Variants in EP400 observed in about 807,000 individuals in gnomAD.
EP400 encodes the protein E1A-binding protein p400.
A neutral mutation model predicts 354.1 loss-of-function variants in EP400; 105 were observed. That is an observed-to-expected ratio of 0.30 (90% CI 0.25 to 0.35). The LOEUF (loss-of-function observed/expected upper bound fraction) is 0.35, where lower values mean the gene tolerates loss of function less well. Ranked by LOEUF, EP400 falls within the 10% of genes least tolerant of loss-of-function variation. EP400 has a pLI of 1.00. For missense variants in EP400, 3,280 were observed against 4,121.0 expected (o/e 0.80, Z 5.59); for synonymous variants, 1,646 against 1,716.9 (o/e 0.96, Z 1.02).
intron 1 of EP400, among the ~76,000 whole-genome samples, chr12:131,950,885 C>G (rs992175759): frequency 2.0e-5 from 3 of 152,140 alleles, no homozygotes; most frequent in Non-Finnish European, 4.4e-5. Context: ...CCATGCCCGG[C>G]TCACTTTTTA....
chr12:132,077,804 G>A lies in EP400; in HGVS notation c.*131G>A. 2.6e-6 allele frequency: 3 copies of A among 1,165,750 alleles called. No individual in the cohort carries two copies. Among genetic ancestry groups the A allele is most frequent in the Non-Finnish European group, 3.5e-6 (3 of 853,758 alleles). The allele number at this position is 1,165,750 out of a possible 1,614,324, so 72.2% of individuals were successfully genotyped here. ...GGAAAGATATAATTGAAACAAAATAGTGTAATCATTTTATTAAAATGCATC... is the reference window on the plus strand; with the variant it reads ...GGAAAGATATAATTGAAACAAAATAATGTAATCATTTTATTAAAATGCATC... On this transcript the variant is annotated 3_prime_UTR_variant, in exon 53 of 53. Coordinates refer to ENST00000389561, the MANE Select transcript of EP400 (RefSeq NM_015409.5).
rs747876989 is a variant in EP400 at position 132,029,840 on chromosome 12, C to T, written c.5521C>T (p.Arg1841Trp). 11 of 1,612,858 alleles carry T rather than the reference C, an allele frequency of 6.8e-6. No individual in the cohort carries two copies. Among genetic ancestry groups the T allele is most frequent in the African/African-American group, 2.7e-5 (2 of 75,062 alleles). Residue 1841 changes from arginine to tryptophan, a missense_variant, in exon 28 of 53, where the codon CGG (arginine) becomes TGG (tryptophan). Arg to Trp is a moderately radical substitution (Grantham distance 101, BLOSUM62 -3). Coordinates refer to ENST00000389561, the MANE Select transcript of EP400 (RefSeq NM_015409.5). This position sits in a 1 kb window ranked among gnomAD's most constrained non-coding sequence, Gnocchi z 4.7. ...CGCTGCGCCGTACTTCCAGCAGCTG[C>T]GGCAGACCACGGCTCCACGCCTGCT... ...EHAAPYFQQLRQTTAPRLLQF... is the reference protein window; with the variant it reads ...EHAAPYFQQLWQTTAPRLLQF...
At position 131,960,596 on chromosome 12, in the gene EP400, A is replaced by G. The variant is rs779086446; in HGVS notation, c.-24A>G. On this transcript the variant is annotated 5_prime_UTR_variant, in exon 2 of 53. Coordinates refer to ENST00000389561, the MANE Select transcript of EP400 (RefSeq NM_015409.5). ...ATTTTAATTTTTAGGAGAACGACAC[A>G]TTGGATACAGAAGGGAGGTGATCAT... 6.4e-7 allele frequency: 1 copy of G among 1,565,538 alleles called. No homozygotes were observed. Among genetic ancestry groups the G allele is most frequent in the Non-Finnish European group, 8.7e-7 (1 of 1,155,908 alleles).
rs1160699967 is a variant in EP400 at position 132,029,890 on chromosome 12, G to A, written c.5571G>A (p.Val1857=). Residue 1857 remains valine, a synonymous_variant, in exon 28 of 53, where the codon GTG becomes GTA. Coordinates refer to ENST00000389561, the MANE Select transcript of EP400 (RefSeq NM_015409.5). The surrounding 1 kb of genome is among the most constrained non-coding windows in gnomAD (Gnocchi z 4.7). The stretch of plus-strand genomic sequence containing the variant: ...TGCAGTTCCCTGAGCTGAGGCTGGT[G>A]CAGTTCGACTCAGGTATGCGGCAGT... The part of the protein sequence containing the change: ...RLLQFPELRL[V]QFDSGKLEAL... The A allele has an allele frequency of 6.2e-7, 1 of 1,612,490 alleles. No individual in the cohort carries two copies. The highest frequency in any genetic ancestry group is 8.5e-7 in the Non-Finnish European group (1 of 1,179,926).
intron 6 of EP400, 147 bp downstream of exon 6, chr12:131,986,954 G>A: frequency 9.6e-7 from 1 of 1,043,018 alleles, no homozygotes; most frequent in African/African-American, 1.6e-5. Context: ...GAAAACCAAG[G>A]GTTAGCCTTT....
intron 12 of EP400, among the ~76,000 whole-genome samples, chr12:131,995,328 C>T (rs938819886): frequency 6.6e-6 from 1 of 150,818 alleles, no homozygotes; most frequent in Non-Finnish European, 1.5e-5. Flanking sequence ...CTGAATGTAC[C>T]GTTCATCTTG....
intron 2 of EP400, among the ~76,000 whole-genome samples, chr12:131,974,987 C>CA (rs764013155): frequency 0.015 from 630 of 42,472 alleles, 13 homozygotes; most frequent in Non-Finnish European, 0.019. Context: ...GACTCCATCT[C>CA]AAAAAAAAAA....
At chr12:131,950,309 C>T (rs1191449122) in intron 1 of EP400, among the ~76,000 whole-genome samples, 3 of 152,224 alleles carry the variant, frequency 2.0e-5, no homozygotes, top group East Asian at 1.9e-4. Context: ...CCCCCGGGCT[C>T]CTGGGCTGGG....
chr12:132,049,106 C>T (rs1895210011), intron 39 of EP400, among the ~76,000 whole-genome samples: 1 of 152,216 alleles, frequency 6.6e-6, no homozygotes, highest in South Asian at 2.1e-4. Context: ...ATGATAGTGA[C>T]AGTGGTCGGA....
At position 131,990,612 on chromosome 12, in the gene EP400, A is replaced by T. The variant is rs1333043260; in HGVS notation, c.2551-24A>T. The T allele has an allele frequency of 6.5e-7, 1 of 1,541,130 alleles. No individual in the cohort carries two copies. Among genetic ancestry groups the T allele is most frequent in the East Asian group, 2.2e-5 (1 of 44,558 alleles). On this transcript the variant is annotated intron_variant, in intron 8 of 52. Coordinates refer to ENST00000389561, the MANE Select transcript of EP400 (RefSeq NM_015409.5). The surrounding 1 kb of genome is among the most constrained non-coding windows in gnomAD (Gnocchi z 4.2). The stretch of plus-strand genomic sequence containing the variant: ...AATTCCCATCCTTAGTAATGTGCTT[A>T]TTCATTTAATCCTTTGCATTTAGGT...
At chr12:131,985,497 CT>C (rs1892825054) in intron 5 of EP400, among the ~76,000 whole-genome samples, 1 of 152,242 alleles carries the variant, frequency 6.6e-6, no homozygotes. Context: ...CGGGCTAAAT[CT>C]TGTGTGAGCC....
At chr12:132,031,029 A>G (rs1244867520) in intron 29 of EP400, among the ~76,000 whole-genome samples, 1 of 151,510 alleles carries the variant, frequency 6.6e-6, no homozygotes, top group Non-Finnish European at 1.5e-5. Context: ...AAATAGAGCA[A>G]AAGGTGATTT....
In EP400 at chr12:131,990,086, T is replaced by C; in HGVS notation, c.2532T>C (p.Phe844=). 6.2e-7 allele frequency: 1 copy of C among 1,609,572 alleles called. No individual in the cohort carries two copies. Among genetic ancestry groups the C allele is most frequent in the Non-Finnish European group, 8.5e-7 (1 of 1,178,768 alleles). ...AASTAREIEC[F]WSNIEQVVEI... is the part of the protein sequence containing the mutation. ...CCACGGCCCGGGAGATAGAGTGCTT[T>C]TGGTCGAATATTGAACAGGCGAGTG... Residue 844 remains phenylalanine, a synonymous_variant, in exon 8 of 53, where the codon TTT becomes TTC. Coordinates refer to ENST00000389561, the MANE Select transcript of EP400 (RefSeq NM_015409.5). The surrounding 1 kb of genome is among the most constrained non-coding windows in gnomAD (Gnocchi z 4.2).
rs1284857497 is a variant in EP400 at position 132,062,270 on chromosome 12, A to G, written c.8045A>G (p.Asn2682Ser). The change falls in exon 46 of 53, where the codon AAC becomes AGC. Residue 2682 changes from asparagine to serine, a missense_variant. This residue lies in a region of EP400 where 255 missense variants were observed against 295.9 expected (regional missense o/e 0.86). Coordinates refer to ENST00000389561, the MANE Select transcript of EP400 (RefSeq NM_015409.5). ...ACAGCCTCGGCCGTGGTCACTACCA[A>G]CCTGACCCCAGTGCAGACCCCGGCA... ...SVTASAVVTT[N>S]LTPVQTPARS... is the part of the protein sequence containing the mutation. 6.2e-6 allele frequency: 10 copies of G among 1,614,092 alleles called. No individual in the cohort carries two copies. In the South Asian group the frequency reaches 6.6e-5, roughly 11 times the overall value.
chr12:131,952,365 C>T (rs900084734), intron 1 of EP400, among the ~76,000 whole-genome samples: 3 of 150,900 alleles, frequency 2.0e-5, no homozygotes, highest in African/African-American at 7.3e-5. Context: ...CCAGGCTGGT[C>T]TCAAACTCCT....
chr12:132,059,472 G>C (rs1343722453), intron 45 of EP400, among the ~76,000 whole-genome samples: 2 of 152,090 alleles, frequency 1.3e-5, no homozygotes, highest in Admixed American at 1.3e-4. Context: ...AAGTCTACCT[G>C]CTTCAGTGGG....
chr12:132,038,373 G>C lies in EP400; in HGVS notation c.6207+277G>C, dbSNP rs1000089825. Among the ~76,000 whole-genome samples the C allele has an allele frequency of 4.6e-5, 7 of 152,218 alleles. No individual in the cohort carries two copies. Among genetic ancestry groups the C allele is most frequent in the African/African-American group, 1.7e-4 (7 of 41,458 alleles). On this transcript the variant is annotated intron_variant, in intron 32 of 52. Coordinates refer to ENST00000389561, the MANE Select transcript of EP400 (RefSeq NM_015409.5). The surrounding 1 kb of genome is among the most constrained non-coding windows in gnomAD (Gnocchi z 4.2). Reference sequence around the variant, plus strand: ...TCATCTGCACTTTGCCACAGTCTCAGCTCCTTCCCCTCCCCATGGAAATCT... The same window carrying C: ...TCATCTGCACTTTGCCACAGTCTCACCTCCTTCCCCTCCCCATGGAAATCT...
intron 5 of EP400, among the ~76,000 whole-genome samples, chr12:131,985,458 A>G (rs1892823009): frequency 6.6e-6 from 1 of 152,240 alleles, no homozygotes; most frequent in South Asian, 2.1e-4. Flanking sequence ...AGTGTGCTCT[A>G]GCGGTTCTGT....
chr12:131,962,860 G>C (rs1190874766), intron 2 of EP400, among the ~76,000 whole-genome samples: 1 of 152,142 alleles, frequency 6.6e-6, no homozygotes, highest in Non-Finnish European at 1.5e-5. Context: ...ATCTTTGTCA[G>C]CTCTTCTGCA....
Sources: gnomAD v4.1 joint callset for allele counts (sites outside exome capture counted in the v4.1 genomes callset) on GRCh38, gnomAD v4.1.1 for gene constraint, gnomAD v4.1.1 regional missense constraint, Gnocchi (gnomAD v3.1) non-coding constraint, MANE v1.5 for transcripts, NCBI Gene and HGNC (gene_info 2026-07-23, HGNC 2026-07-21) for gene names.